BTN3A3: variants seen among roughly 807,000 people sequenced by gnomAD.
BTN3A3 encodes the protein butyrophilin 3.
A neutral mutation model predicts 43.2 loss-of-function variants in BTN3A3; 39 were observed. That is an observed-to-expected ratio of 0.90 (90% CI 0.70 to 1.18). The LOEUF is 1.18. Ranked by LOEUF, BTN3A3 falls within the 50% of genes most tolerant of loss-of-function variation. BTN3A3 has a pLI of 0.00. For missense variants in BTN3A3, 631 were observed against 722.8 expected (o/e 0.87, Z 1.46); for synonymous variants, 255 against 272.7 (o/e 0.93, Z 0.64).
intron 4 of BTN3A3, 132 bp from the exon 5 acceptor site, chr6:26,445,572 C>T (rs1024168280): frequency 8.4e-7 from 1 of 1,184,712 alleles, no homozygotes; most frequent in Middle Eastern, 2.2e-4. Context: ...TTCATCATGA[C>T]CACACTTGTG....
At chr6:26,446,151 C>T (rs1373252159) in intron 5 of BTN3A3, among the ~76,000 whole-genome samples, 166 bp downstream of exon 5, 1 of 152,166 alleles carries the variant, frequency 6.6e-6, no homozygotes, top group Non-Finnish European at 1.5e-5. Flanking sequence ...TTTAGGGGAG[C>T]TTCCCCACGC....
intron 10 of BTN3A3, among the ~76,000 whole-genome samples, chr6:26,451,058 A>G (rs1762917196): frequency 6.6e-6 from 1 of 152,166 alleles, no homozygotes; most frequent in Admixed American, 6.5e-5. Flanking sequence ...AAGAGGGTGG[A>G]AAAAGCTGAA....
chr6:26,448,616 G>C lies in BTN3A3; in HGVS notation c.917-1G>C, dbSNP rs1280693229. ...CTTTTCTTTTTTTGCTTATTTTCCA[G>C]AGAAGCTCCAGGAGGAACTCAGTAA... On this transcript the variant is annotated splice_acceptor_variant, in intron 6 of 10. Coordinates refer to ENST00000244519, the MANE Select transcript of BTN3A3 (RefSeq NM_006994.5). LOFTEE classifies it high-confidence loss of function. The C allele has an allele frequency of 6.2e-7, 1 of 1,613,564 alleles. No homozygotes were observed. The highest frequency in any genetic ancestry group is 1.7e-5 in the Admixed American group (1 of 59,960).
chr6:26,440,815 T>TCAC (rs1561859225), intron 1 of BTN3A3, 167 bp downstream of exon 1: 3 of 139,148 alleles, frequency 2.2e-5, no homozygotes, highest in African/African-American at 7.7e-5. Flanking sequence ...TGTGTGTGTG[T>TCAC]GCGTGTGTGC....
intron 10 of BTN3A3, among the ~76,000 whole-genome samples, chr6:26,450,532 T>C (rs761883675): frequency 2.6e-5 from 4 of 152,222 alleles, no homozygotes; most frequent in Non-Finnish European, 5.9e-5. Flanking sequence ...CCTCAAATGA[T>C]TTAATGCTTC....
rs1437447256 is a variant in BTN3A3, at chr6:26,451,603, C to G, written c.1019-72C>G. Reference sequence around the variant, plus strand: ...AAGGACCTCCTTAGCATGGTCCAGGCCTTGCATGCTGAGGCTCTGAAATCC... The same window carrying G: ...AAGGACCTCCTTAGCATGGTCCAGGGCTTGCATGCTGAGGCTCTGAAATCC... On this transcript the variant is annotated intron_variant, in intron 10 of 10. Coordinates refer to ENST00000244519, the MANE Select transcript of BTN3A3 (RefSeq NM_006994.5). The G allele has an allele frequency of 2.6e-6, 4 of 1,554,856 alleles. No homozygotes were observed. In the Admixed American group the frequency reaches 7.5e-5, roughly 29 times the overall value.
intron 4 of BTN3A3, 162 bp downstream of exon 4, chr6:26,444,466 T>A: frequency 8.7e-7 from 1 of 1,152,204 alleles, no homozygotes; most frequent in Non-Finnish European, 1.2e-6. Context: ...AAAGACACAT[T>A]CTTTCTTTAG....
Position 26,452,402 on chromosome 6 carries a change from A to G in BTN3A3, c.1746A>G (p.Ala582=). 4 of 1,597,762 alleles carry G rather than the reference A, an allele frequency of 2.5e-6. No homozygotes were observed. The highest frequency in any genetic ancestry group is 3.4e-6 in the Non-Finnish European group (4 of 1,177,040). ...ATAAGCTACAGGCACGCACTGAAGC[A>G]CTTTACTGATATTCATTCCATTATT... ...QNHKLQARTE[A]LY The change falls in exon 11 of 11, where the codon GCA becomes GCG. Residue 582 remains alanine, a synonymous_variant. Transcript: ENST00000244519.
chr6:26,452,104 T>C lies in BTN3A3; in HGVS notation c.1448T>C (p.Ile483Thr). The C allele has an allele frequency of 1.9e-6, 3 of 1,614,166 alleles. No homozygotes were observed. The highest frequency in any genetic ancestry group is 2.5e-6 in the Non-Finnish European group (3 of 1,180,038). The change falls in exon 11 of 11, where the codon ATC (isoleucine) becomes ACC (threonine). Residue 483 changes from isoleucine (I) to threonine (T), a missense_variant. By Grantham distance (89) the Ile-to-Thr change is moderately conservative. Coordinates refer to ENST00000244519, the MANE Select transcript of BTN3A3 (RefSeq NM_006994.5). ...TATAATGCCACAGATGGATCTCATA[T>C]CTACACCTTTCCGCACGCCTCTTTC... is the stretch of plus-strand genomic sequence containing the variant. ...SFYNATDGSH[I>T]YTFPHASFSE...
chr6:26,445,676 G>T (rs370017691), intron 4 of BTN3A3, 28 bp from the exon 5 acceptor site: 3 of 1,603,486 alleles, frequency 1.9e-6, no homozygotes, highest in African/African-American at 2.7e-5. Flanking sequence ...GAGCTCTCAA[G>T]AATTTAGGGC....
intron 10 of BTN3A3, chr6:26,450,340 T>C: frequency 5.1e-6 from 3 of 588,302 alleles, no homozygotes; most frequent in East Asian, 6.1e-5. Flanking sequence ...AATTGCTCTC[T>C]TGGGCTTCCT....
At chr6:26,441,328 T>C (rs1173832336) in intron 1 of BTN3A3, among the ~76,000 whole-genome samples, 1 of 152,204 alleles carries the variant, frequency 6.6e-6, no homozygotes, top group Non-Finnish European at 1.5e-5. Flanking sequence ...CATTTCCTCA[T>C]AACCCAATAT....
chr6:26,446,475 T>C (rs920126718), intron 5 of BTN3A3, among the ~76,000 whole-genome samples: 1 of 152,204 alleles, frequency 6.6e-6, no homozygotes, highest in Admixed American at 6.5e-5. Context: ...AAATCATTTT[T>C]CACTTATGAT....
At chr6:26,451,613 TGAG>T in intron 10 of BTN3A3, 59 bp from the exon 11 acceptor site, 1 of 1,561,108 alleles carries the variant, frequency 6.4e-7, no homozygotes, top group Non-Finnish European at 8.7e-7. Context: ...CCTTGCATGC[TGAG>T]GCTCTGAAAT....
In BTN3A3 at chr6:26,445,605, T is replaced by G. The variant is rs1278546104; in HGVS notation, c.434-99T>G. Reference sequence around the variant, plus strand: ...GTGTAAATAGCTCCTGAATGAAATCTTCCTTGGATTATCAAATGTGAGTCT... The same window carrying G: ...GTGTAAATAGCTCCTGAATGAAATCGTCCTTGGATTATCAAATGTGAGTCT... On this transcript the variant is annotated intron_variant, in intron 4 of 10. Transcript: ENST00000244519. 3 of 1,414,006 alleles carry G rather than the reference T, an allele frequency of 2.1e-6. No homozygotes were observed. The African/African-American group carries it at 4.3e-5, about 20-fold the overall frequency. 87.6% of individuals were successfully genotyped at this position (1,414,006 alleles called of 1,614,324 possible).
chr6:26,450,255 C>G, intron 10 of BTN3A3, 122 bp downstream of exon 10: 1 of 1,227,546 alleles, frequency 8.1e-7, no homozygotes, highest in Non-Finnish European at 1.2e-6. Flanking sequence ...TTGGGGTAGA[C>G]AACATTAAAT....
chr6:26,444,531 A>C, intron 4 of BTN3A3: 2 of 683,700 alleles, frequency 2.9e-6, no homozygotes, highest in East Asian at 2.7e-5. Context: ...TCCCTCTGAC[A>C]ACCAGAGATA....
intron 1 of BTN3A3, among the ~76,000 whole-genome samples, chr6:26,441,603 A>G (rs1762638673): frequency 6.6e-6 from 1 of 152,026 alleles, no homozygotes; most frequent in Non-Finnish European, 1.5e-5. Context: ...AACTTTTTAA[A>G]GATGCTTGCT....
chr6:26,448,526 G>A, intron 6 of BTN3A3, 78 bp downstream of exon 6: 3 of 1,609,594 alleles, frequency 1.9e-6, no homozygotes, highest in Non-Finnish European at 2.5e-6. Flanking sequence ...TTCCCACCCT[G>A]ACACTGCATC....
Sources: gnomAD v4.1 joint callset for allele counts (sites outside exome capture counted in the v4.1 genomes callset) on GRCh38, gnomAD v4.1.1 for gene constraint, MANE v1.5 for transcripts, NCBI Gene and HGNC (gene_info 2026-07-23, HGNC 2026-07-21) for gene names.